Variants in EPHB1 observed in about 807,000 individuals in gnomAD.
EPHB1 encodes ephrin type-B receptor 1.
A neutral mutation model predicts 94.4 loss-of-function variants in EPHB1; 30 were observed. The ratio of observed to expected loss-of-function variants is 0.32; its 90% CI spans 0.24 to 0.43. The LOEUF (loss-of-function observed/expected upper bound fraction) is 0.43. EPHB1 is among the 20% of genes least tolerant of loss of function. The pLI, the probability that EPHB1 is intolerant of heterozygous loss-of-function variation, is 1.00. For synonymous variants in EPHB1, 522 were observed against 489.1 expected, an observed-to-expected ratio of 1.07 and a Z score of -0.89; for missense variants, 1,055 against 1,308.3, an observed-to-expected ratio of 0.81 and a Z score of 2.99.
At position 134,924,768 on chromosome 3, in the gene EPHB1, A is replaced by G. The variant is rs145772652; in HGVS notation, c.59-1048A>G. ...CACAACAACATGAATAATTCTTAAT[A>G]TAATTATGCTGAGTGAGAGAAGCAA... On this transcript the variant is annotated intron_variant, in intron 1 of 15. Coordinates refer to ENST00000398015, the MANE Select transcript of EPHB1 (RefSeq NM_004441.5). 2.9e-3 allele frequency among the ~76,000 whole-genome samples: 444 copies of G among 152,364 alleles called. 1 individual carries two copies. Among genetic ancestry groups the G allele is most frequent in the African/African-American group, 0.01 (421 of 41,596 alleles).
chr3:134,953,182 A>G (rs1316940771), intron 3 of EPHB1, among the ~76,000 whole-genome samples: 1 of 152,116 alleles, frequency 6.6e-6, no homozygotes, highest in African/African-American at 2.4e-5. Flanking sequence ...AGACCAGCCT[A>G]TGCCAGTTTA....
chr3:135,163,392 C>T (rs182002524), intron 7 of EPHB1, among the ~76,000 whole-genome samples: 65 of 152,248 alleles, frequency 4.3e-4, no homozygotes, highest in African/African-American at 1.3e-3. Context: ...TGATGTGAAC[C>T]GTCTGGCCCC....
Position 135,233,828 on chromosome 3 carries a change from G to T in EPHB1, c.2347-7320G>T, listed in dbSNP as rs528247134. On this transcript the variant is annotated intron_variant, in intron 12 of 15. Transcript: ENST00000398015. ...ACAGGACCAACATCATGTGGAAGCTGCCAAGGCTTGGGACTTGCACCCTCT... is the reference window on the plus strand; with the variant it reads ...ACAGGACCAACATCATGTGGAAGCTTCCAAGGCTTGGGACTTGCACCCTCT... Among the ~76,000 whole-genome samples the T allele has an allele frequency of 2.2e-3, 332 of 152,316 alleles. 2 individuals are homozygous for T. Among genetic ancestry groups the T allele is most frequent in the African/African-American group, 7.8e-3 (326 of 41,572 alleles).
chr3:135,079,373 A>T (rs999213453), intron 3 of EPHB1, among the ~76,000 whole-genome samples: 2 of 152,230 alleles, frequency 1.3e-5, no homozygotes, highest in Non-Finnish European at 2.9e-5. Context: ...ATGCCCGTTT[A>T]TCCAATTGAG....
At chr3:134,864,700 G>A (rs770837292) in intron 1 of EPHB1, among the ~76,000 whole-genome samples, 23 of 152,150 alleles carry the variant, frequency 1.5e-4, no homozygotes, top group Non-Finnish European at 2.9e-4. Flanking sequence ...AAAATATTGC[G>A]GCAAGTGGGA....
At chr3:135,101,249 T>C (rs7373984) in intron 3 of EPHB1, among the ~76,000 whole-genome samples, 85,965 of 152,124 alleles carry the variant, frequency 0.57, 24,509 homozygotes, top group East Asian at 0.77. Context: ...CTTTATGACC[T>C]AATTTCCGTT....
intron 1 of EPHB1, among the ~76,000 whole-genome samples, chr3:134,853,531 G>C (rs986247701): frequency 1.1e-4 from 17 of 152,254 alleles, no homozygotes; most frequent in African/African-American, 3.9e-4. Context: ...GGTGTCACTT[G>C]TTGAAATGGG....
At chr3:135,128,935 G>A (rs878872593) in intron 4 of EPHB1, among the ~76,000 whole-genome samples, 2 of 152,262 alleles carry the variant, frequency 1.3e-5, no homozygotes, top group Admixed American at 6.5e-5. Flanking sequence ...GCAGGGGAAT[G>A]ATACACCGCA....
intron 1 of EPHB1, among the ~76,000 whole-genome samples, chr3:134,840,785 TCTGA>T (rs1300003773): frequency 3.3e-5 from 5 of 152,214 alleles, no homozygotes; most frequent in Non-Finnish European, 7.3e-5. Flanking sequence ...ATATGAGGTC[TCTGA>T]CTGGCCCTCA....
intron 1 of EPHB1, among the ~76,000 whole-genome samples, chr3:134,901,403 A>G (rs1332955692): frequency 6.6e-6 from 1 of 152,206 alleles, no homozygotes; most frequent in Non-Finnish European, 1.5e-5. Context: ...ACCAGGCTAC[A>G]TGTCCTATAG....
chr3:135,089,412 A>C (rs922355232), intron 3 of EPHB1, among the ~76,000 whole-genome samples: 17 of 152,370 alleles, frequency 1.1e-4, no homozygotes, highest in African/African-American at 4.1e-4. Context: ...CCACATGCTT[A>C]AATTCTTATT....
chr3:135,085,553 T>C (rs2107788901), intron 3 of EPHB1, among the ~76,000 whole-genome samples: 1 of 152,278 alleles, frequency 6.6e-6, no homozygotes, highest in Middle Eastern at 3.4e-3. Context: ...ACAGCCTGGT[T>C]TTTTATTGTG....
chr3:135,248,416 A>G lies in EPHB1; in HGVS notation c.2597A>G (p.Asn866Ser), dbSNP rs2107731253. ...CTGGACTGTTGGCAGAAGGACCGGA[A>G]CAGCCGGCCCCGGTTTGCGGAGATT... Reference protein sequence around the residue: ...LMLDCWQKDRNSRPRFAEIVN... With the variant: ...LMLDCWQKDRSSRPRFAEIVN... Residue 866 changes from asparagine (N) to serine (S), a missense_variant, in exon 14 of 16, where the codon AAC (asparagine) becomes AGC (serine). Physicochemically the swap from Asn to Ser is conservative, Grantham distance 46. Transcript: ENST00000398015. The G allele has an allele frequency of 6.2e-7, 1 of 1,614,012 alleles. No homozygotes were observed. The highest frequency in any genetic ancestry group is 8.5e-7 in the Non-Finnish European group (1 of 1,179,924).
In EPHB1 at chr3:135,053,027, G is replaced by GTATA. The variant is rs1243029809; in HGVS notation, c.806-53396_806-53393dup. Among the ~76,000 whole-genome samples, 793 of 110,442 alleles carry GTATA rather than the reference G, an allele frequency of 7.2e-3. 15 individuals are homozygous for GTATA. The highest frequency in any genetic ancestry group is 0.01 in the African/African-American group (241 of 23,644). The allele number at this position is 110,442 out of a possible 152,430, so 72.5% of individuals were successfully genotyped here. On this transcript the variant is annotated intron_variant, in intron 3 of 15. Transcript: ENST00000398015. ...TGTGTATATATATGTGTGTGTGTGT[G>GTATA]TATATATATATATATATATATATAT...
chr3:134,975,272 T>C (rs1393568610), intron 3 of EPHB1, among the ~76,000 whole-genome samples: 1 of 152,234 alleles, frequency 6.6e-6, no homozygotes, highest in East Asian at 1.9e-4. Context: ...GGGATCAGGG[T>C]TGCCATCCCT....
chr3:135,056,332 C>T (rs969243730), intron 3 of EPHB1, among the ~76,000 whole-genome samples: 6 of 152,334 alleles, frequency 3.9e-5, no homozygotes, highest in Admixed American at 1.3e-4. Context: ...CGTCAGGCTG[C>T]GTCATCTCTC....
intron 12 of EPHB1, among the ~76,000 whole-genome samples, chr3:135,214,161 C>A (rs1426646264): frequency 6.6e-6 from 1 of 152,190 alleles, no homozygotes; most frequent in East Asian, 1.9e-4. Flanking sequence ...CTGCTGTTTC[C>A]TTCTGGGAAC....
chr3:135,210,474 A>G (rs6768655), intron 12 of EPHB1, among the ~76,000 whole-genome samples: 170 of 152,334 alleles, frequency 1.1e-3, no homozygotes, highest in African/African-American at 4.0e-3. Context: ...CATTTGGGAA[A>G]GGATAGAATG....
rs149629098 is a variant in EPHB1 at position 135,038,206 on chromosome 3, G to A, written c.806-68242G>A. On this transcript the variant is annotated intron_variant, in intron 3 of 15. Coordinates refer to ENST00000398015, the MANE Select transcript of EPHB1 (RefSeq NM_004441.5). ...GAGTTTACTTTTCACCCGTGGTGGGGTAGGAATGACAGAAAATTCTTTGAC... is the reference window on the plus strand; with the variant it reads ...GAGTTTACTTTTCACCCGTGGTGGGATAGGAATGACAGAAAATTCTTTGAC... Among the ~76,000 whole-genome samples the A allele has an allele frequency of 3.2e-4, 48 of 152,344 alleles. 1 individual carries two copies. Among genetic ancestry groups the A allele is most frequent in the African/African-American group, 1.1e-3 (45 of 41,580 alleles).
Sources: allele counts gnomAD v4.1 joint callset (sites outside exome capture counted in the v4.1 genomes callset), GRCh38; gene constraint gnomAD v4.1.1; transcripts MANE v1.5; gene names NCBI Gene and HGNC (gene_info 2026-07-23, HGNC 2026-07-21).